Variants in SPRING1 observed in about 807,000 individuals in gnomAD.
SPRING1 encodes the protein SREBF pathway regulator in golgi 1, also known as SREBP regulating gene protein.
A neutral mutation model predicts 24.7 loss-of-function variants in SPRING1; 14 were observed. The ratio of observed to expected loss-of-function variants is 0.57; its 90% CI spans 0.37 to 0.88. The LOEUF (loss-of-function observed/expected upper bound fraction) is 0.88. Ranked by LOEUF, SPRING1 falls within the 40% of genes least tolerant of loss-of-function variation. The pLI, the probability that SPRING1 is intolerant of heterozygous loss-of-function variation, is 0.00. For missense variants in SPRING1, 255 were observed against 268.4 expected, an observed-to-expected ratio of 0.95 and a Z score of 0.35; for synonymous variants, 93 against 106.1, an observed-to-expected ratio of 0.88 and a Z score of 0.76.
chr12:116,718,398 T>C (rs1870260579), intron 4 of SPRING1, among the ~76,000 whole-genome samples: 1 of 152,230 alleles, frequency 6.6e-6, no homozygotes, highest in Non-Finnish European at 1.5e-5. Flanking sequence ...GCTAAGCAAA[T>C]TGGAAGTGTG....
intron 1 of SPRING1, among the ~76,000 whole-genome samples, chr12:116,729,871 TTTTTTA>T (rs1254936781): frequency 1.3e-5 from 2 of 152,186 alleles, no homozygotes; most frequent in Non-Finnish European, 2.9e-5. Context: ...AATATACTAC[TTTTTTA>T]TTTTTGTTTT....
At chr12:116,736,714 G>A (rs1356110520) in intron 1 of SPRING1, among the ~76,000 whole-genome samples, 1 of 152,106 alleles carries the variant, frequency 6.6e-6, no homozygotes, top group Non-Finnish European at 1.5e-5. Context: ...CACTCAACCT[G>A]GACTTCTAGA....
intron 4 of SPRING1, among the ~76,000 whole-genome samples, chr12:116,719,101 C>T (rs1259432185): frequency 1.3e-5 from 2 of 152,170 alleles, no homozygotes; most frequent in African/African-American, 2.4e-5. Flanking sequence ...ATAATAAACA[C>T]GTCTGGTGAT....
chr12:116,720,310 G>A lies in SPRING1; in HGVS notation c.406C>T (p.Leu136=). The change falls in exon 3 of 5, where the codon CTG becomes TTG. Residue 136 remains leucine, a synonymous_variant. Coordinates refer to ENST00000261318, the MANE Select transcript of SPRING1 (RefSeq NM_024738.4). The surrounding 1 kb of genome is among the most constrained non-coding windows in gnomAD (Gnocchi z 4.0). ...ACTCCCCATACCTTGTTGGGCTGCA[G>A]GCAGCAGGAGACACAGTACTCATAG... ...SAYEYCVSCC[L]QPNKQLLLER... 4.3e-6 allele frequency: 7 copies of A among 1,610,528 alleles called. No individual in the cohort carries two copies. The highest frequency in any genetic ancestry group is 5.9e-6 in the Non-Finnish European group (7 of 1,178,956).
Position 116,720,071 on chromosome 12 carries a change from T to G in SPRING1, c.421-195A>C. On this transcript the variant is annotated intron_variant, in intron 3 of 4. Transcript: ENST00000261318. The surrounding 1 kb of genome is among the most constrained non-coding windows in gnomAD (Gnocchi z 4.0). ...CCCTGGGTATCTTATTCATTAGATA[T>G]GTGATTAGCAATACAATGATCCATT... is the stretch of plus-strand genomic sequence containing the variant. The G allele has an allele frequency of 2.8e-6, 2 of 715,042 alleles. No individual in the cohort carries two copies. Among genetic ancestry groups the G allele is most frequent in the Non-Finnish European group, 4.6e-6 (2 of 437,562 alleles). The allele number at this position is 715,042 out of a possible 1,614,324, so 44.3% of individuals were successfully genotyped here.
intron 1 of SPRING1, among the ~76,000 whole-genome samples, chr12:116,723,707 T>C (rs1329828222): frequency 6.6e-6 from 1 of 152,130 alleles, no homozygotes; most frequent in African/African-American, 2.4e-5. Context: ...TACAGGTACT[T>C]TGGGTGGAAG....
chr12:116,721,603 G>GTTA (rs1156546398), intron 2 of SPRING1, among the ~76,000 whole-genome samples: 1 of 152,148 alleles, frequency 6.6e-6, no homozygotes, highest in African/African-American at 2.4e-5. Flanking sequence ...TGTTGTTTAT[G>GTTA]TTATTCTGTC....
In SPRING1 at chr12:116,737,874, C is replaced by T. The variant is rs1871356400; in HGVS notation, c.27G>A (p.Trp9Ter). Residue 9 changes from tryptophan (W) to a stop codon, truncating the protein, a stop_gained, in exon 1 of 5, where the codon TGG becomes TGA. Coordinates refer to ENST00000261318, the MANE Select transcript of SPRING1 (RefSeq NM_024738.4). LOFTEE classifies it high-confidence loss of function. Reference protein sequence around the residue: MVNLAAMVWRRLLRKRWVL... With the variant: MVNLAAMV ...CCCACCTCTTCCGCAGAAGCCGGCG[C>T]CACACCATGGCCGCCAGGTTCACCA... is the stretch of plus-strand genomic sequence containing the variant. The T allele has an allele frequency of 6.4e-7, 1 of 1,574,710 alleles. No homozygotes were observed. Among genetic ancestry groups the T allele is most frequent in the African/African-American group, 1.4e-5 (1 of 71,146 alleles).
Position 116,720,118 on chromosome 12 carries a change from A to G in SPRING1, c.420+178T>C. The G allele has an allele frequency of 1.2e-6, 1 of 834,634 alleles. No homozygotes were observed. Among genetic ancestry groups the G allele is most frequent in the South Asian group, 1.9e-5 (1 of 51,892 alleles). The allele number at this position is 834,634 out of a possible 1,614,324, so 51.7% of individuals were successfully genotyped here. The stretch of plus-strand genomic sequence containing the variant: ...CATTCTGCAAAAGAACCATTCAAGC[A>G]ACTGGGAACCACCTCCTTTCCTTAG... On this transcript the variant is annotated intron_variant, in intron 3 of 4. Transcript: ENST00000261318. This position sits in a 1 kb window ranked among gnomAD's most constrained non-coding sequence, Gnocchi z 4.0.
At position 116,737,872 on chromosome 12, in the gene SPRING1, C is replaced by A. The variant is rs763305705; in HGVS notation, c.29G>T (p.Arg10Leu). The change falls in exon 1 of 5, where the codon CGC (arginine) becomes CTC (leucine). Residue 10 changes from arginine to leucine, a missense_variant. Arg to Leu is a moderately radical substitution (Grantham distance 102). Transcript: ENST00000261318. MVNLAAMVWRRLLRKRWVLA... is the reference protein window; with the variant it reads MVNLAAMVWLRLLRKRWVLA... ...CACCCACCTCTTCCGCAGAAGCCGG[C>A]GCCACACCATGGCCGCCAGGTTCAC... 3.2e-6 allele frequency: 5 copies of A among 1,575,052 alleles called. No homozygotes were observed. The highest frequency in any genetic ancestry group is 2.0e-4 in the Middle Eastern group (1 of 4,928).
At chr12:116,732,679 C>G (rs1244635269) in intron 1 of SPRING1, among the ~76,000 whole-genome samples, 1 of 152,222 alleles carries the variant, frequency 6.6e-6, no homozygotes, top group Non-Finnish European at 1.5e-5. Flanking sequence ...TGCACTCCAG[C>G]CTGGGTGACA....
chr12:116,723,265 C>T, intron 1 of SPRING1, 42 bp from the exon 2 acceptor site: 2 of 1,603,336 alleles, frequency 1.2e-6, no homozygotes, highest in Non-Finnish European at 1.7e-6. Context: ...TATCCAGTAT[C>T]CTTTCTTACA....
intron 4 of SPRING1, among the ~76,000 whole-genome samples, 183 bp downstream of exon 4, chr12:116,719,580 C>T (rs1021806504): frequency 1.3e-5 from 2 of 152,198 alleles, no homozygotes; most frequent in African/African-American, 4.8e-5. Flanking sequence ...CTTCACCTCC[C>T]CTAACTTGTA....
At chr12:116,734,610 G>A (rs1871141092) in intron 1 of SPRING1, among the ~76,000 whole-genome samples, 1 of 152,146 alleles carries the variant, frequency 6.6e-6, no homozygotes, top group South Asian at 2.1e-4. Flanking sequence ...CCTAGGGGCT[G>A]GAGAGTCTAT....
At chr12:116,722,954 A>G (rs1592917573) in intron 2 of SPRING1, 113 bp downstream of exon 2, 2 of 1,339,240 alleles carry the variant, frequency 1.5e-6, no homozygotes, top group Non-Finnish European at 2.0e-6. Context: ...GTTGGAGATG[A>G]GCGAGGAGAG....
intron 2 of SPRING1, among the ~76,000 whole-genome samples, chr12:116,721,360 A>G (rs1439433058): frequency 1.3e-5 from 2 of 152,216 alleles, no homozygotes; most frequent in Non-Finnish European, 2.9e-5. Context: ...TGCTCCCCAC[A>G]TCACTGCATT....
Position 116,737,812 on chromosome 12 carries a change from A to G in SPRING1, c.89T>C (p.Phe30Ser), listed in dbSNP as rs770005133. Residue 30 changes from phenylalanine to serine, a missense_variant, in exon 1 of 5, where the codon TTC becomes TCC. Transcript: ENST00000261318. Reference protein sequence around the residue: ...ALVFGLSLVYFLSSTFKQEER... With the variant: ...ALVFGLSLVYSLSSTFKQEER... ...GACCTGCTTGAAGGTGCTGCTGAGG[A>G]AGTAGACGAGCGACAGCCCGAAGAC... 1 of 1,595,528 alleles carries G rather than the reference A, an allele frequency of 6.3e-7. No homozygotes were observed. The highest frequency in any genetic ancestry group is 1.1e-5 in the South Asian group (1 of 90,490).
In SPRING1 at chr12:116,720,429, T is replaced by C. The variant is rs375002609; in HGVS notation, c.287A>G (p.Lys96Arg). Residue 96 changes from lysine (K) to arginine (R), a missense_variant, in exon 3 of 5, where the codon AAG becomes AGG. Lys to Arg is a conservative substitution (Grantham distance 26, BLOSUM62 2). Coordinates refer to ENST00000261318, the MANE Select transcript of SPRING1 (RefSeq NM_024738.4). This position sits in a 1 kb window ranked among gnomAD's most constrained non-coding sequence, Gnocchi z 4.0. ...TDELGYVCER[K>R]DLLVNGCCNV... ...ACAGCAGCCATTTACCAGCAAATCC[T>C]TCCTCTCGCAAACGTAGCCTGAAAG... 37 of 1,614,004 alleles carry C rather than the reference T, an allele frequency of 2.3e-5. No individual in the cohort carries two copies. The highest frequency in any genetic ancestry group is 3.0e-5 in the Non-Finnish European group (35 of 1,180,008).
At position 116,710,509 on chromosome 12, in the gene SPRING1, G is replaced by T. The variant is rs1156601656; in HGVS notation, c.*7301C>A. 6.6e-6 allele frequency: 1 copy of T among 152,248 alleles called. No individual in the cohort carries two copies. Among genetic ancestry groups the T allele is most frequent in the Admixed American group, 6.5e-5 (1 of 15,286 alleles). 9.4% of individuals were successfully genotyped at this position (152,248 alleles called of 1,614,324 possible). On this transcript the variant is annotated 3_prime_UTR_variant, in exon 5 of 5. Transcript: ENST00000261318. ...GAGCACTGCATTAAGGCTCAGAAACGTAGTACCGTTGTGTGCTTCTCTGCC... is the reference window on the plus strand; with the variant it reads ...GAGCACTGCATTAAGGCTCAGAAACTTAGTACCGTTGTGTGCTTCTCTGCC...
Sources: gnomAD v4.1 joint callset for allele counts (sites outside exome capture counted in the v4.1 genomes callset) on GRCh38, gnomAD v4.1.1 for gene constraint, Gnocchi (gnomAD v3.1) non-coding constraint, MANE v1.5 for transcripts, NCBI Gene and HGNC (gene_info 2026-07-23, HGNC 2026-07-21) for gene names.